The following ARID4B variants were observed in gnomAD, a reference collection of about 807,000 sequenced individuals.
ARID4B encodes the protein AT-rich interaction domain 4B.
In ARID4B, 26 loss-of-function variants were observed where a neutral mutation model predicts 147.5. The observed-to-expected ratio is 0.18, with a 90% CI of 0.13 to 0.24. The LOEUF is 0.24. ARID4B is among the 10% of genes least tolerant of loss of function. ARID4B has a pLI of 1.00. For synonymous variants in ARID4B, 512 were observed against 507.9 expected, an observed-to-expected ratio of 1.01 and a Z score of -0.11; for missense variants, 1,179 against 1,511.5, an observed-to-expected ratio of 0.78 and a Z score of 3.65.
At chr1:235,299,263 G>C (rs1345305579) in intron 2 of ARID4B, among the ~76,000 whole-genome samples, 1 of 152,218 alleles carries the variant, frequency 6.6e-6, no homozygotes, top group Non-Finnish European at 1.5e-5. Context: ...ACCCAGGCTG[G>C]AGTGCAATGG....
At chr1:235,225,222 C>T (rs1667753757) in intron 11 of ARID4B, among the ~76,000 whole-genome samples, 1 of 152,156 alleles carries the variant, frequency 6.6e-6, no homozygotes, top group Admixed American at 6.6e-5. Context: ...GTATGGGTCC[C>T]ATTAGCTGAC....
intron 4 of ARID4B, among the ~76,000 whole-genome samples, chr1:235,256,849 C>CTGCT (rs3834001): frequency 0.024 from 3,620 of 151,500 alleles, 72 homozygotes; most frequent in Non-Finnish European, 0.04. Flanking sequence ...TCTGAATAAA[C>CTGCT]TGGTTTTACT....
rs189584187 is a variant in ARID4B at position 235,235,423 on chromosome 1, T to C, written c.586-931A>G. 2.0e-3 allele frequency among the ~76,000 whole-genome samples: 299 copies of C among 152,288 alleles called. 1 individual carries two copies. Among genetic ancestry groups the C allele is most frequent in the Admixed American group, 2.6e-3 (39 of 15,294 alleles). ...CTTGGGGCTTGTGAGCCAAATCCAC[T>C]CATTACTTTTCCCTGATGAGCGAAG... On this transcript the variant is annotated intron_variant, in intron 8 of 23. Coordinates refer to ENST00000264183, the MANE Select transcript of ARID4B (RefSeq NM_016374.6).
intron 2 of ARID4B, among the ~76,000 whole-genome samples, chr1:235,270,468 C>T (rs115812014): frequency 0.48 from 72,707 of 152,018 alleles, 17,735 homozygotes; most frequent in South Asian, 0.6. Context: ...AAAACCTAAG[C>T]TACTTTAGGT....
intron 2 of ARID4B, among the ~76,000 whole-genome samples, chr1:235,302,138 C>T (rs1436078942): frequency 1.0e-5 from 1 of 97,990 alleles, no homozygotes; most frequent in Non-Finnish European, 1.9e-5. Context: ...CTGGCTGACT[C>T]TGTCTCAAAA....
At chr1:235,311,657 C>T (rs955308938) in intron 2 of ARID4B, among the ~76,000 whole-genome samples, 2 of 151,850 alleles carry the variant, frequency 1.3e-5, no homozygotes, top group African/African-American at 4.8e-5. Context: ...GACTGTAGTC[C>T]CAGCTACTTG....
chr1:235,199,525 A>G lies in ARID4B; in HGVS notation c.1842-3410T>C, dbSNP rs559783752. ...AATTCCAACAATGAAAGTGAAAGACAGTGCTTGCCAAAAAGCACTCCTGTG... is the reference window on the plus strand; with the variant it reads ...AATTCCAACAATGAAAGTGAAAGACGGTGCTTGCCAAAAAGCACTCCTGTG... On this transcript the variant is annotated intron_variant, in intron 17 of 23. Coordinates refer to ENST00000264183, the MANE Select transcript of ARID4B (RefSeq NM_016374.6). Among the ~76,000 whole-genome samples the G allele has an allele frequency of 1.6e-4, 24 of 152,366 alleles. No individual in the cohort carries two copies. The South Asian group carries it at 5.0e-3, about 32-fold the overall frequency.
chr1:235,299,763 T>A (rs989081563), intron 2 of ARID4B, among the ~76,000 whole-genome samples: 3 of 152,206 alleles, frequency 2.0e-5, no homozygotes, highest in African/African-American at 7.2e-5. Flanking sequence ...ATGCCAGAGT[T>A]TGAACTCATA....
In ARID4B at chr1:235,180,878, A is replaced by C. The variant is rs112896779; in HGVS notation, c.3334+707T>G. 2.7e-3 allele frequency: 418 copies of C among 157,148 alleles called. 1 individual carries two copies. The highest frequency in any genetic ancestry group is 4.2e-3 in the Non-Finnish European group (298 of 71,086). 9.7% of individuals were successfully genotyped at this position (157,148 alleles called of 1,614,324 possible). A position where few individuals can be genotyped will look rare whatever the true frequency, so the allele number is the denominator to read the frequency against. ...CTGAATGAAGTGGTTTATAAGAAAAATGATGACAGAAGTATGGCTATGGCA... is the reference window on the plus strand; with the variant it reads ...CTGAATGAAGTGGTTTATAAGAAAACTGATGACAGAAGTATGGCTATGGCA... On this transcript the variant is annotated intron_variant, in intron 20 of 23. Transcript: ENST00000264183.
At chr1:235,238,888 T>G (rs1668798646) in intron 8 of ARID4B, among the ~76,000 whole-genome samples, 1 of 151,878 alleles carries the variant, frequency 6.6e-6, no homozygotes, top group East Asian at 1.9e-4. Flanking sequence ...TCTCACTGTT[T>G]GATGCAAATG....
At chr1:235,234,552 C>A in intron 8 of ARID4B, 60 bp from the exon 9 acceptor site, 1 of 1,175,800 alleles carries the variant, frequency 8.5e-7, no homozygotes, top group South Asian at 1.4e-5. Context: ...GGTAAGTACC[C>A]ACCATTTAAA....
chr1:235,169,319 A>G (rs1307368378), intron 23 of ARID4B, among the ~76,000 whole-genome samples: 1 of 141,634 alleles, frequency 7.1e-6, no homozygotes, highest in Non-Finnish European at 1.5e-5. Context: ...TGGCTCACTA[A>G]AAGTTCTGCC....
intron 6 of ARID4B, among the ~76,000 whole-genome samples, chr1:235,252,000 G>A (rs916280016): frequency 3.9e-5 from 6 of 152,164 alleles, no homozygotes; most frequent in Non-Finnish European, 7.4e-5. Flanking sequence ...GATAATAATA[G>A]TAACTACCTC....
intron 2 of ARID4B, among the ~76,000 whole-genome samples, chr1:235,271,845 G>A (rs986208789): frequency 4.0e-5 from 6 of 150,892 alleles, no homozygotes; most frequent in African/African-American, 9.7e-5. Context: ...AGCTACTCAC[G>A]GGTTGAGTCA....
intron 17 of ARID4B, among the ~76,000 whole-genome samples, chr1:235,203,685 TA>T (rs1173349647): frequency 2.6e-5 from 4 of 152,136 alleles, no homozygotes; most frequent in Non-Finnish European, 4.4e-5. Flanking sequence ...GTCATATAAT[TA>T]ACTTACTTAG....
chr1:235,310,348 ATTAT>A (rs1558304239), intron 2 of ARID4B, among the ~76,000 whole-genome samples: 1 of 152,208 alleles, frequency 6.6e-6, no homozygotes, highest in African/African-American at 2.4e-5. Context: ...CAACAACTTT[ATTAT>A]TTATTTATAA....
intron 10 of ARID4B, 55 bp from the exon 11 acceptor site, chr1:235,229,440 C>A: frequency 1.5e-5 from 19 of 1,229,424 alleles, no homozygotes; most frequent in Non-Finnish European, 1.5e-5. Flanking sequence ...ATTGTTTTCT[C>A]AAAAAGTATT....
chr1:235,292,615 CAAA>C (rs34794245), intron 2 of ARID4B, among the ~76,000 whole-genome samples: 4 of 122,682 alleles, frequency 3.3e-5, no homozygotes, highest in Non-Finnish European at 3.4e-5. Context: ...GACTGTGTCT[CAAA>C]AAAAAAAAAA....
rs71640630 is a variant in ARID4B at position 235,271,555 on chromosome 1, G to A, written c.7-10803C>T. Among the ~76,000 whole-genome samples, 207 of 151,622 alleles carry A rather than the reference G, an allele frequency of 1.4e-3. 1 individual carries two copies. Among genetic ancestry groups the A allele is most frequent in the South Asian group, 4.6e-3 (22 of 4,796 alleles). On this transcript the variant is annotated intron_variant, in intron 2 of 23. Transcript: ENST00000264183. Reference sequence around the variant, plus strand: ...TGAGGCAGGAGTATCACTTGGACTCGGGAGGCGGAGATTGCAGTGAGCCGA... The same window carrying A: ...TGAGGCAGGAGTATCACTTGGACTCAGGAGGCGGAGATTGCAGTGAGCCGA...
Sources: gnomAD v4.1 joint callset for allele counts (sites outside exome capture counted in the v4.1 genomes callset) on GRCh38, gnomAD v4.1.1 for gene constraint, MANE v1.5 for transcripts, NCBI Gene and HGNC (gene_info 2026-07-23, HGNC 2026-07-21) for gene names.